ZNF827: variants seen among roughly 807,000 people sequenced by gnomAD.
The protein encoded by ZNF827 is zinc finger protein 827.
ZNF827 carries 13 observed loss-of-function variants against 102.4 expected under a neutral mutation model. That is an observed-to-expected ratio of 0.13 (90% CI 0.08 to 0.20). ZNF827 has a LOEUF of 0.20. ZNF827 is among the 10% of genes least tolerant of loss of function. The pLI is 1.00. For missense variants in ZNF827, 1,103 were observed against 1,344.4 expected, an observed-to-expected ratio of 0.82 and a Z score of 2.81; for synonymous variants, 523 against 536.2, an observed-to-expected ratio of 0.98 and a Z score of 0.34.
intron 3 of ZNF827, among the ~76,000 whole-genome samples, chr4:145,889,363 C>G (rs1750400210): frequency 6.6e-6 from 1 of 152,056 alleles, no homozygotes; most frequent in African/African-American, 2.4e-5. Context: ...TGTGCATTAT[C>G]TCATTTAACT....
chr4:145,852,388 AC>A (rs1746619697), intron 5 of ZNF827, among the ~76,000 whole-genome samples: 1 of 152,160 alleles, frequency 6.6e-6, no homozygotes, highest in Non-Finnish European at 1.5e-5. Flanking sequence ...TCTTATGACA[AC>A]CCTTGCCCTT....
chr4:145,864,420 CAAAAAAAA>C (rs34745619), intron 5 of ZNF827, among the ~76,000 whole-genome samples: 39 of 60,806 alleles, frequency 6.4e-4, no homozygotes, highest in African/African-American at 2.2e-3. Flanking sequence ...CTTGTCTCTA[CAAAAAAAA>C]AAAAAAAAAA....
At chr4:145,821,625 C>T (rs1229908311) in intron 8 of ZNF827, among the ~76,000 whole-genome samples, 1 of 151,334 alleles carries the variant, frequency 6.6e-6, no homozygotes, top group Non-Finnish European at 1.5e-5. Context: ...TTTTGCTTTT[C>T]TCTACCTAAA....
chr4:145,824,790 A>ACTAG (rs1322403559), intron 7 of ZNF827, among the ~76,000 whole-genome samples: 1 of 152,230 alleles, frequency 6.6e-6, no homozygotes, highest in Non-Finnish European at 1.5e-5. Context: ...GACTCCCAGG[A>ACTAG]CTAGCGCTGC....
At chr4:145,880,016 C>A (rs762691351) in intron 4 of ZNF827, among the ~76,000 whole-genome samples, 2 of 152,176 alleles carry the variant, frequency 1.3e-5, no homozygotes, top group Non-Finnish European at 2.9e-5. Context: ...GCAGCCAGAT[C>A]ACGAGGTCAG....
intron 5 of ZNF827, among the ~76,000 whole-genome samples, chr4:145,852,002 A>T (rs1460498796): frequency 6.6e-6 from 1 of 152,146 alleles, no homozygotes; most frequent in Non-Finnish European, 1.5e-5. Context: ...AGCTTCCCTC[A>T]TCATGCTTCC....
intron 4 of ZNF827, among the ~76,000 whole-genome samples, chr4:145,872,596 GC>G (rs1748796995): frequency 6.6e-6 from 1 of 152,116 alleles, no homozygotes. Context: ...ACAATTTATG[GC>G]TGGGTGCGGT....
chr4:145,829,427 G>A (rs1245606403), intron 7 of ZNF827, among the ~76,000 whole-genome samples: 4 of 151,858 alleles, frequency 2.6e-5, no homozygotes, highest in East Asian at 1.9e-4. Context: ...AAAATTCTTC[G>A]GTGAATTAAT....
At chr4:145,812,206 G>A (rs929342477) in intron 8 of ZNF827, among the ~76,000 whole-genome samples, 12 of 151,996 alleles carry the variant, frequency 7.9e-5, no homozygotes, top group Admixed American at 3.9e-4. Flanking sequence ...AATTACAGGC[G>A]TGAGCCACTG....
intron 1 of ZNF827, among the ~76,000 whole-genome samples, chr4:145,915,434 C>T (rs769483334): frequency 1.3e-5 from 2 of 151,808 alleles, no homozygotes; most frequent in Non-Finnish European, 2.9e-5. Context: ...GCAACAAGAG[C>T]GGAACTCCGT....
At chr4:145,806,147 CTTTTTTTTTTTT>C (rs11364915) in intron 8 of ZNF827, among the ~76,000 whole-genome samples, 1 of 77,368 alleles carries the variant, frequency 1.3e-5, no homozygotes, top group African/African-American at 5.5e-5. Flanking sequence ...AATAAATGAA[CTTTTTTTTTTTT>C]TTTTTTTTTT....
At chr4:145,841,373 T>C (rs535137894) in intron 7 of ZNF827, among the ~76,000 whole-genome samples, 1 of 152,356 alleles carries the variant, frequency 6.6e-6, no homozygotes, top group East Asian at 1.9e-4. Flanking sequence ...GATTATGATA[T>C]CATGCCTCAT....
intron 1 of ZNF827, among the ~76,000 whole-genome samples, chr4:145,908,717 T>C (rs555793842): frequency 1.8e-4 from 28 of 152,344 alleles, no homozygotes; most frequent in African/African-American, 6.5e-4. Context: ...TCACCTACTA[T>C]GTTCAGGGAA....
intron 1 of ZNF827, among the ~76,000 whole-genome samples, chr4:145,905,588 G>A (rs184158913): frequency 1.1e-4 from 17 of 152,160 alleles, no homozygotes; most frequent in East Asian, 7.7e-4. Flanking sequence ...TGAAATTGGC[G>A]GCGACCCTAA....
chr4:145,921,440 G>T (rs1753057825), intron 1 of ZNF827, among the ~76,000 whole-genome samples: 1 of 149,496 alleles, frequency 6.7e-6, no homozygotes. Context: ...ACAGAGGCAG[G>T]GGTTGGGGAG....
rs2126831569 is a variant in ZNF827, at chr4:145,759,665, A to T, written c.*1951T>A. The T allele has an allele frequency of 6.6e-6, 1 of 152,096 alleles. No homozygotes were observed. Among genetic ancestry groups the T allele is most frequent in the Non-Finnish European group, 1.5e-5 (1 of 68,004 alleles). The allele number at this position is 152,096 out of a possible 1,614,324, so 9.4% of individuals were successfully genotyped here. On this transcript the variant is annotated 3_prime_UTR_variant, in exon 15 of 15. Transcript: ENST00000508784. ...AGTCTACTCATTCCATAAAAAAGGTACATTTTCTTCCTTTTATTTTACTTT... is the reference window on the plus strand; with the variant it reads ...AGTCTACTCATTCCATAAAAAAGGTTCATTTTCTTCCTTTTATTTTACTTT...
At chr4:145,917,330 G>A (rs185426825) in intron 1 of ZNF827, among the ~76,000 whole-genome samples, 1 of 152,286 alleles carries the variant, frequency 6.6e-6, no homozygotes, top group East Asian at 1.9e-4. Context: ...CAGTTCTGGA[G>A]GCTGGGAAGT....
chr4:145,838,469 C>G (rs55860653), intron 7 of ZNF827, among the ~76,000 whole-genome samples: 5,536 of 152,286 alleles, frequency 0.036, 153 homozygotes, highest in Non-Finnish European at 0.052. Flanking sequence ...CACACAAAGC[C>G]TGCTTGGTGG....
intron 8 of ZNF827, among the ~76,000 whole-genome samples, chr4:145,786,883 C>T (rs1276301930): frequency 6.6e-6 from 1 of 152,194 alleles, no homozygotes; most frequent in Admixed American, 6.5e-5. Flanking sequence ...ATTTCCAGCT[C>T]AGAGGATCTA....
Sources: allele counts gnomAD v4.1 joint callset (sites outside exome capture counted in the v4.1 genomes callset), GRCh38; gene constraint gnomAD v4.1.1; transcripts MANE v1.5; gene names NCBI Gene and HGNC (gene_info 2026-07-23, HGNC 2026-07-21).